Variants in ARFGEF3 observed in about 807,000 individuals in gnomAD.
ARFGEF3 encodes the protein brefeldin A-inhibited guanine nucleotide-exchange protein 3.
ARFGEF3 carries 96 observed loss-of-function variants against 221.7 expected under a neutral mutation model. The ratio of observed to expected loss-of-function variants is 0.43; its 90% CI spans 0.37 to 0.51. The LOEUF (loss-of-function observed/expected upper bound fraction) is 0.51. ARFGEF3 is among the 20% of genes least tolerant of loss of function. The pLI is 0.00. For synonymous variants in ARFGEF3, 1,145 were observed against 1,126.8 expected, an observed-to-expected ratio of 1.02 and a Z score of -0.32; for missense variants, 2,410 against 2,789.9, an observed-to-expected ratio of 0.86 and a Z score of 3.07.
intron 4 of ARFGEF3, among the ~76,000 whole-genome samples, chr6:138,219,752 T>A (rs920609301): frequency 3.2e-4 from 48 of 152,230 alleles, no homozygotes; most frequent in African/African-American, 1.2e-3. Flanking sequence ...GTTCATATTA[T>A]CAGGTCTCAA....
chr6:138,230,471 TC>T (rs1247199593), intron 5 of ARFGEF3, among the ~76,000 whole-genome samples: 1 of 152,214 alleles, frequency 6.6e-6, no homozygotes, highest in Non-Finnish European at 1.5e-5. Context: ...TGGAATAATT[TC>T]CCTTCCATTT....
chr6:138,268,216 G>A (rs928482908), intron 12 of ARFGEF3, among the ~76,000 whole-genome samples: 2 of 152,164 alleles, frequency 1.3e-5, no homozygotes, highest in East Asian at 1.9e-4. Context: ...CTGAGACAGG[G>A]AGATGGCAGA....
At chr6:138,171,136 T>C (rs1326289332) in intron 2 of ARFGEF3, among the ~76,000 whole-genome samples, 1 of 149,976 alleles carries the variant, frequency 6.7e-6, no homozygotes, top group Non-Finnish European at 1.5e-5. Context: ...TTCCAACACT[T>C]ACTTTTGGTG....
chr6:138,261,654 CT>C lies in ARFGEF3; in HGVS notation c.1217+19del. 7.0e-7 allele frequency: 1 copy of C among 1,436,806 alleles called. No homozygotes were observed. Among genetic ancestry groups the C allele is most frequent in the Admixed American group, 2.3e-5 (1 of 44,100 alleles). 89.0% of individuals were successfully genotyped at this position (1,436,806 alleles called of 1,614,324 possible). On this transcript the variant is annotated intron_variant, in intron 11 of 33. Coordinates refer to ENST00000251691, the MANE Select transcript of ARFGEF3 (RefSeq NM_020340.5). ...CTCCTCAAACTGTATGATGTTTATCCTTTTAAGTCTTTATTGAGGCTGCTTT... is the reference window on the plus strand; with the variant it reads ...CTCCTCAAACTGTATGATGTTTATCCTTTAAGTCTTTATTGAGGCTGCTTT...
intron 16 of ARFGEF3, 48 bp from the exon 17 acceptor site, chr6:138,287,026 G>A: frequency 6.4e-7 from 1 of 1,558,784 alleles, no homozygotes; most frequent in Non-Finnish European, 8.7e-7. Context: ...TAGGTGAATG[G>A]TTAGAGGATA....
Position 138,341,991 on chromosome 6 carries a change from A to G in ARFGEF3, c.*5505A>G, listed in dbSNP as rs2114712611. ...GAGAGAGTGGCTGACCACTTTAGTG[A>G]CAAAACAGCACTCCACTGCTGGTGA... On this transcript the variant is annotated 3_prime_UTR_variant, in exon 34 of 34. Coordinates refer to ENST00000251691, the MANE Select transcript of ARFGEF3 (RefSeq NM_020340.5). 1 of 152,342 alleles carries G rather than the reference A, an allele frequency of 6.6e-6. No homozygotes were observed. Among genetic ancestry groups the G allele is most frequent in the South Asian group, 2.1e-4 (1 of 4,828 alleles). The allele number at this position is 152,342 out of a possible 1,614,324, so 9.4% of individuals were successfully genotyped here.
At chr6:138,324,962 T>C (rs777015912) in intron 31 of ARFGEF3, among the ~76,000 whole-genome samples, 1 of 152,238 alleles carries the variant, frequency 6.6e-6, no homozygotes, top group Non-Finnish European at 1.5e-5. Flanking sequence ...AACCATGCTG[T>C]TCACAGTAGT....
At chr6:138,283,944 G>A (rs1431021021) in intron 14 of ARFGEF3, among the ~76,000 whole-genome samples, 1 of 152,126 alleles carries the variant, frequency 6.6e-6, no homozygotes, top group Non-Finnish European at 1.5e-5. Context: ...AAGAATCAAA[G>A]ATACAGTGGA....
chr6:138,196,008 AAG>A (rs199890930), intron 2 of ARFGEF3, among the ~76,000 whole-genome samples: 4 of 148,112 alleles, frequency 2.7e-5, no homozygotes, highest in Non-Finnish European at 5.9e-5. Flanking sequence ...AAAAAAAAAA[AAG>A]AAAAGAAAAA....
At chr6:138,316,267 C>CT (rs1171770651) in intron 26 of ARFGEF3, among the ~76,000 whole-genome samples, 1 of 151,960 alleles carries the variant, frequency 6.6e-6, no homozygotes, top group African/African-American at 2.4e-5. Context: ...TAAATCAGAA[C>CT]AAAAATCAGT....
At chr6:138,206,742 T>C (rs921965960) in intron 2 of ARFGEF3, among the ~76,000 whole-genome samples, 1 of 152,220 alleles carries the variant, frequency 6.6e-6, no homozygotes, top group Non-Finnish European at 1.5e-5. Context: ...GAACAAAGCA[T>C]GTTCACAGAC....
intron 2 of ARFGEF3, among the ~76,000 whole-genome samples, chr6:138,183,955 A>G (rs1777131139): frequency 6.6e-6 from 1 of 151,956 alleles, no homozygotes; most frequent in East Asian, 1.9e-4. Flanking sequence ...GCCCCTTTGT[A>G]TCTCCCCCAT....
intron 4 of ARFGEF3, chr6:138,218,556 C>T: frequency 8.2e-7 from 1 of 1,216,018 alleles, no homozygotes; most frequent in South Asian, 1.9e-5. Flanking sequence ...GCCAATGTTT[C>T]TGTTCCATCC....
intron 2 of ARFGEF3, among the ~76,000 whole-genome samples, chr6:138,177,738 T>G (rs1776983870): frequency 6.6e-6 from 1 of 152,040 alleles, no homozygotes; most frequent in Admixed American, 6.5e-5. Context: ...TTCCTTCTTC[T>G]GCTTGGTCTA....
chr6:138,323,819 T>C (rs1462255806), intron 30 of ARFGEF3, 46 bp downstream of exon 30: 4 of 1,592,520 alleles, frequency 2.5e-6, no homozygotes, highest in African/African-American at 1.3e-5. Context: ...TCTAACCATC[T>C]TTAGCTCCTG....
intron 32 of ARFGEF3, among the ~76,000 whole-genome samples, chr6:138,330,426 G>A (rs1780204780): frequency 6.6e-6 from 1 of 152,070 alleles, no homozygotes; most frequent in Non-Finnish European, 1.5e-5. Context: ...TCTGTTGTTT[G>A]TAAGCCACCC....
chr6:138,273,338 G>C (rs983258619), intron 12 of ARFGEF3, among the ~76,000 whole-genome samples: 2 of 152,184 alleles, frequency 1.3e-5, no homozygotes, highest in African/African-American at 4.8e-5. Flanking sequence ...TGCTACTCTT[G>C]TATCTAATCT....
Position 138,261,612 on chromosome 6 carries a change from GAA to G in ARFGEF3, c.1192_1193del (p.Lys398ValfsTer41), listed in dbSNP as rs1397374670. ...TCCAGAAAAAGATCAATTTCAAAAA[GAA>G]AGTCTCATCTGGATCTCCTCAAACT... is the stretch of plus-strand genomic sequence containing the variant. On this transcript the variant is annotated frameshift_variant, in exon 11 of 34. Coordinates refer to ENST00000251691, the MANE Select transcript of ARFGEF3 (RefSeq NM_020340.5). LOFTEE classifies it high-confidence loss of function. The G allele has an allele frequency of 6.4e-7, 1 of 1,565,698 alleles. No individual in the cohort carries two copies. Among genetic ancestry groups the G allele is most frequent in the Non-Finnish European group, 8.7e-7 (1 of 1,153,674 alleles).
chr6:138,208,614 A>G (rs940416474), intron 3 of ARFGEF3, among the ~76,000 whole-genome samples: 25 of 152,188 alleles, frequency 1.6e-4, no homozygotes, highest in African/African-American at 6.0e-4. Context: ...TCAAAAATCA[A>G]TTGCACCAAG....
Sources: allele counts gnomAD v4.1 joint callset (sites outside exome capture counted in the v4.1 genomes callset), GRCh38; gene constraint gnomAD v4.1.1; transcripts MANE v1.5; gene names NCBI Gene and HGNC (gene_info 2026-07-23, HGNC 2026-07-21).